The following ZFHX3 variants were observed in gnomAD, a reference collection of about 807,000 sequenced individuals.
ZFHX3 encodes zinc finger homeobox protein 3.
Under a neutral mutation model 279.1 loss-of-function variants are expected in ZFHX3, and 42 were observed. That is an observed-to-expected ratio of 0.15 (90% CI 0.12 to 0.19). The LOEUF is 0.19. Among genes scored for constraint, ZFHX3 ranks in the 10% least tolerant of loss-of-function variants. ZFHX3 has a pLI of 1.00. For synonymous variants in ZFHX3, 2,293 were observed against 1,957.8 expected (o/e 1.17, Z -4.52); for missense variants, 4,981 against 4,754.0 (o/e 1.05, Z -1.40).
At chr16:73,167,608 G>T (rs527425843) in intron 5 of ZFHX3, among the ~76,000 whole-genome samples, 1 of 152,180 alleles carries the variant, frequency 6.6e-6, no homozygotes, top group Admixed American at 6.5e-5. Context: ...AACTGAGAAC[G>T]TTGGGTAAGA....
chr16:72,873,529 G>A (rs1418068429), intron 4 of ZFHX3, among the ~76,000 whole-genome samples: 1 of 152,080 alleles, frequency 6.6e-6, no homozygotes, highest in Admixed American at 6.5e-5. Flanking sequence ...TTATCACTAC[G>A]TGTTTATAGA....
intron 7 of ZFHX3, among the ~76,000 whole-genome samples, chr16:72,801,614 CTG>C (rs1339761436): frequency 6.6e-6 from 1 of 152,122 alleles, no homozygotes; most frequent in Non-Finnish European, 1.5e-5. Flanking sequence ...CTGAGAAATG[CTG>C]TGTTTACGAA....
In ZFHX3 at chr16:72,954,238, C is replaced by T. The variant is rs141789721; in HGVS notation, c.2719+3189G>A. ...CACAAAAATTAGCTAGGCATGGTGGCGCATGCCTGTAATCCCAGCTACTCG... is the reference window on the plus strand; with the variant it reads ...CACAAAAATTAGCTAGGCATGGTGGTGCATGCCTGTAATCCCAGCTACTCG... On this transcript the variant is annotated intron_variant, in intron 2 of 9. Coordinates refer to ENST00000268489, the MANE Select transcript of ZFHX3 (RefSeq NM_006885.4). Among the ~76,000 whole-genome samples the T allele has an allele frequency of 5.1e-3, 775 of 152,234 alleles. 4 individuals carry two copies. Among genetic ancestry groups the T allele is most frequent in the African/African-American group, 0.018 (737 of 41,518 alleles).
chr16:73,887,224 G>A (rs115796609), intron 1 of ZFHX3, among the ~76,000 whole-genome samples: 1,636 of 152,240 alleles, frequency 0.011, 35 homozygotes, highest in African/African-American at 0.037. Context: ...CTGTGACAGC[G>A]TGTTGGCGGC....
At chr16:73,063,831 A>G (rs955497759), upstream of ZFHX3, among the ~76,000 whole-genome samples, 5 of 152,122 alleles carry the variant, frequency 3.3e-5, no homozygotes, top group African/African-American at 1.2e-4. Context: ...GTCAAAATAA[A>G]TTTTTACACC....
intron 7 of ZFHX3, 35 bp from the exon 8 acceptor site, chr16:72,800,164 G>A: frequency 6.5e-7 from 1 of 1,549,526 alleles, no homozygotes; most frequent in Non-Finnish European, 8.9e-7. Flanking sequence ...CAAATGGAGA[G>A]GAAAGCGACA....
chr16:73,584,081 T>C (rs1225675633), intron 2 of ZFHX3, among the ~76,000 whole-genome samples: 2 of 152,258 alleles, frequency 1.3e-5, no homozygotes, highest in African/African-American at 4.8e-5. Flanking sequence ...AATTAGTGAA[T>C]TGGAAGATCT....
chr16:73,888,858 A>C lies in ZFHX3; in HGVS notation c.-1608+2793T>G, dbSNP rs565459748. Among the ~76,000 whole-genome samples, 175 of 151,964 alleles carry C rather than the reference A, an allele frequency of 1.2e-3. 2 individuals carry two copies. Among genetic ancestry groups the C allele is most frequent in the African/African-American group, 4.1e-3 (170 of 41,432 alleles). On this transcript the variant is annotated intron_variant, in intron 1 of 17. Coordinates refer to the ZFHX3 transcript ENST00000641206. ...CAGACAGATTTCAGGCTAAAAAAAAACCGGGAAGGATCCCTGTTCCCCCAA... is the reference window on the plus strand; with the variant it reads ...CAGACAGATTTCAGGCTAAAAAAAACCCGGGAAGGATCCCTGTTCCCCCAA...
intron 1 of ZFHX3, among the ~76,000 whole-genome samples, chr16:73,729,062 G>A (rs763297411): frequency 6.6e-6 from 1 of 152,142 alleles, no homozygotes; most frequent in Non-Finnish European, 1.5e-5. Context: ...TAAGGGTCAG[G>A]ACATAGAGAT....
At chr16:72,995,718 T>G (rs1963259794) in intron 1 of ZFHX3, among the ~76,000 whole-genome samples, 1 of 152,166 alleles carries the variant, frequency 6.6e-6, no homozygotes, top group Non-Finnish European at 1.5e-5. Context: ...ACTCCCTAGC[T>G]GCAAGACCTT....
At chr16:73,256,071 G>A (rs1460786607) in intron 5 of ZFHX3, among the ~76,000 whole-genome samples, 7 of 152,196 alleles carry the variant, frequency 4.6e-5, no homozygotes, top group Admixed American at 2.0e-4. Flanking sequence ...AGGAGGCGAT[G>A]ACCATGACAT....
chr16:73,455,557 G>A (rs1450408620), intron 3 of ZFHX3, among the ~76,000 whole-genome samples: 1 of 152,126 alleles, frequency 6.6e-6, no homozygotes. Context: ...ATAATTCAAT[G>A]AAGTCATTTC....
chr16:73,122,525 G>T (rs1849609503), intron 7 of ZFHX3, among the ~76,000 whole-genome samples: 2 of 152,166 alleles, frequency 1.3e-5, no homozygotes, highest in African/African-American at 4.8e-5. Context: ...CTAATTTTAG[G>T]ATTTGTTTTC....
intron 1 of ZFHX3, among the ~76,000 whole-genome samples, chr16:73,045,698 A>C (rs1019574130): frequency 1.4e-5 from 2 of 145,790 alleles, no homozygotes; most frequent in African/African-American, 5.0e-5. Flanking sequence ...ATAGTTAGCA[A>C]GTGTTTCTCA....
At chr16:73,477,806 G>A (rs911004193) in intron 2 of ZFHX3, among the ~76,000 whole-genome samples, 10 of 152,178 alleles carry the variant, frequency 6.6e-5, no homozygotes. Context: ...AAGGGCTTGG[G>A]TATCACTGGT....
intron 2 of ZFHX3, among the ~76,000 whole-genome samples, chr16:73,498,100 T>A (rs2019171996): frequency 1.3e-5 from 2 of 152,374 alleles, no homozygotes; most frequent in South Asian, 2.1e-4. Flanking sequence ...CATTGAGTTG[T>A]GAGTTCCTTT....
intron 1 of ZFHX3, among the ~76,000 whole-genome samples, chr16:73,882,941 C>T (rs974854615): frequency 5.3e-5 from 8 of 151,896 alleles, no homozygotes; most frequent in African/African-American, 1.7e-4. Flanking sequence ...ATACTTGTCC[C>T]TGCTGTCTAC....
intron 5 of ZFHX3, among the ~76,000 whole-genome samples, chr16:73,239,799 T>C (rs932877785): frequency 6.6e-6 from 1 of 152,344 alleles, no homozygotes; most frequent in Non-Finnish European, 1.5e-5. Flanking sequence ...CAAGATACTA[T>C]GAGCAATTTC....
At position 72,784,705 on chromosome 16, in the gene ZFHX3, C is replaced by A. The variant is rs942472893; in HGVS notation, c.*2459G>T. The A allele has an allele frequency of 2.0e-5, 3 of 152,318 alleles. No homozygotes were observed. In the East Asian group the frequency reaches 5.8e-4, roughly 29 times the overall value. 9.4% of individuals were successfully genotyped at this position (152,318 alleles called of 1,614,324 possible). ...GCTTGTTAAAACAGTAAATGTTTTG[C>A]GTACTTGCTTTTGACACCTTATGCT... On this transcript the variant is annotated 3_prime_UTR_variant, in exon 10 of 10. Transcript: ENST00000268489.
Sources: gnomAD v4.1 joint callset for allele counts (sites outside exome capture counted in the v4.1 genomes callset) on GRCh38, gnomAD v4.1.1 for gene constraint, MANE v1.5 for transcripts, NCBI Gene and HGNC (gene_info 2026-07-23, HGNC 2026-07-21) for gene names.